The following PPIP5K2 variants were observed in gnomAD, a reference collection of about 807,000 sequenced individuals.
PPIP5K2 encodes inositol hexakisphosphate and diphosphoinositol-pentakisphosphate kinase 2.
A neutral mutation model predicts 154.6 loss-of-function variants in PPIP5K2; 105 were observed. The observed-to-expected ratio is 0.68, with a 90% CI of 0.58 to 0.80. PPIP5K2 has a LOEUF of 0.80. Ranked by LOEUF, PPIP5K2 falls within the 30% of genes least tolerant of loss-of-function variation. PPIP5K2 has a pLI of 0.00. For synonymous variants in PPIP5K2, 480 were observed against 490.3 expected (o/e 0.98, Z 0.28); for missense variants, 992 against 1,504.6 (o/e 0.66, Z 5.64).
chr5:103,134,698 T>A (rs1423028155), intron 3 of PPIP5K2, among the ~76,000 whole-genome samples: 2 of 152,198 alleles, frequency 1.3e-5, no homozygotes, highest in African/African-American at 4.8e-5. Context: ...TAATGTCATA[T>A]TCCACATACC....
chr5:103,178,082 T>A, intron 23 of PPIP5K2, 102 bp downstream of exon 23: 1 of 789,000 alleles, frequency 1.3e-6, no homozygotes, highest in Non-Finnish European at 2.1e-6. Context: ...ATTCTTATTT[T>A]AACTTCTAAG....
At chr5:103,149,343 T>C in intron 8 of PPIP5K2, 30 bp downstream of exon 8, 1 of 1,551,586 alleles carries the variant, frequency 6.4e-7, no homozygotes, top group Non-Finnish European at 8.7e-7. Flanking sequence ...TATAGATCCT[T>C]ATAAAGGTAA....
intron 1 of PPIP5K2, among the ~76,000 whole-genome samples, chr5:103,127,242 A>G (rs1789847599): frequency 6.6e-6 from 1 of 152,242 alleles, no homozygotes; most frequent in African/African-American, 2.4e-5. Context: ...GTATACATAT[A>G]AGTACATACC....
chr5:103,135,398 G>A (rs1240671192), intron 3 of PPIP5K2, among the ~76,000 whole-genome samples: 2 of 152,146 alleles, frequency 1.3e-5, no homozygotes, highest in Non-Finnish European at 2.9e-5. Context: ...CTGATGATGT[G>A]TATTGATGGA....
At chr5:103,182,600 G>A (rs1799716331) in intron 24 of PPIP5K2, among the ~76,000 whole-genome samples, 1 of 152,154 alleles carries the variant, frequency 6.6e-6, no homozygotes, top group African/African-American at 2.4e-5. Context: ...CATGTAAAAT[G>A]AGAATGTTTG....
chr5:103,153,528 G>A (rs1306220966), intron 10 of PPIP5K2, among the ~76,000 whole-genome samples: 1 of 151,798 alleles, frequency 6.6e-6, no homozygotes, highest in Admixed American at 6.6e-5. Flanking sequence ...CTAATGCTAT[G>A]GATCAGATAT....
chr5:103,153,357 C>T (rs1794932401), intron 10 of PPIP5K2, among the ~76,000 whole-genome samples: 1 of 151,758 alleles, frequency 6.6e-6, no homozygotes, highest in African/African-American at 2.4e-5. Context: ...CTAGATTATA[C>T]CTCTGAATTC....
chr5:103,136,753 T>A lies in PPIP5K2; in HGVS notation c.332T>A (p.Val111Asp). 1 of 1,613,316 alleles carries A rather than the reference T, an allele frequency of 6.2e-7. No individual in the cohort carries two copies. The highest frequency in any genetic ancestry group is 8.5e-7 in the Non-Finnish European group (1 of 1,179,354). Residue 111 changes from valine (V) to aspartate (D), a missense_variant, in exon 4 of 31, where the codon GTT becomes GAT. Around this residue, in one of 9 missense-constraint regions of PPIP5K2, gnomAD observed 153 missense variants for 200.4 expected, o/e 0.76. Transcript: ENST00000358359. ...HSKGFPLDKAVAYAKLRNPFV... is the reference protein window; with the variant it reads ...HSKGFPLDKADAYAKLRNPFV... The stretch of plus-strand genomic sequence containing the variant: ...TTAGGATTTCCACTGGACAAAGCGG[T>A]TGCCTATGCAAAACTCAGGAATCCA...
At chr5:103,181,840 G>C (rs1196347800) in intron 24 of PPIP5K2, among the ~76,000 whole-genome samples, 3 of 152,038 alleles carry the variant, frequency 2.0e-5, no homozygotes, top group Admixed American at 2.0e-4. Context: ...ATGTGCTCCA[G>C]TTTGACAATT....
intron 5 of PPIP5K2, among the ~76,000 whole-genome samples, chr5:103,140,149 TAA>T (rs5870043): frequency 0.25 from 36,763 of 145,582 alleles, 5,004 homozygotes; most frequent in East Asian, 0.43. Flanking sequence ...GGGAAAATGT[TAA>T]AAAAAAAAAA....
chr5:103,179,712 G>A (rs2149737189), intron 23 of PPIP5K2, among the ~76,000 whole-genome samples: 1 of 152,008 alleles, frequency 6.6e-6, no homozygotes, highest in South Asian at 2.1e-4. Flanking sequence ...TATTATTATT[G>A]TTTATTTATT....
chr5:103,196,911 G>T (rs761617040), intron 30 of PPIP5K2, among the ~76,000 whole-genome samples: 12 of 152,032 alleles, frequency 7.9e-5, no homozygotes, highest in Non-Finnish European at 1.6e-4. Flanking sequence ...GAAAAAGAAG[G>T]ATCATCAACC....
intron 1 of PPIP5K2, among the ~76,000 whole-genome samples, chr5:103,126,725 A>C (rs1400259474): frequency 6.7e-6 from 1 of 149,404 alleles, no homozygotes; most frequent in Admixed American, 6.7e-5. Context: ...AGGCTAAGCT[A>C]GTCTATCTAG....
intron 21 of PPIP5K2, chr5:103,176,848 A>G (rs1490747843): frequency 4.1e-5 from 56 of 1,351,638 alleles, no homozygotes; most frequent in East Asian, 5.2e-5. Flanking sequence ...CTGATGCTCT[A>G]TGATTACATG....
intron 1 of PPIP5K2, among the ~76,000 whole-genome samples, chr5:103,127,879 G>T (rs1554201276): frequency 6.6e-6 from 1 of 151,392 alleles, no homozygotes; most frequent in East Asian, 1.9e-4. Flanking sequence ...ATAGGAAACA[G>T]AACTGAGATC....
At chr5:103,158,771 A>C (rs1795793424) in intron 16 of PPIP5K2, among the ~76,000 whole-genome samples, 198 bp downstream of exon 16, 1 of 151,998 alleles carries the variant, frequency 6.6e-6, no homozygotes, top group Non-Finnish European at 1.5e-5. Context: ...AAAATTAAAA[A>C]AATAAAAATT....
chr5:103,154,065 A>C, intron 11 of PPIP5K2, 131 bp downstream of exon 11: 1 of 581,192 alleles, frequency 1.7e-6, no homozygotes. Flanking sequence ...TTATATTTAA[A>C]CCAGTGGGTG....
intron 21 of PPIP5K2, among the ~76,000 whole-genome samples, chr5:103,174,935 A>G (rs1474840674): frequency 6.6e-6 from 1 of 152,074 alleles, no homozygotes; most frequent in Non-Finnish European, 1.5e-5. Context: ...CTCAATTCAC[A>G]TCTCCCTCAG....
chr5:103,184,027 G>A (rs896309898), intron 25 of PPIP5K2, among the ~76,000 whole-genome samples: 2 of 152,100 alleles, frequency 1.3e-5, no homozygotes, highest in African/African-American at 2.4e-5. Flanking sequence ...TTGCATATGT[G>A]CCCATCAACA....
Sources: gnomAD v4.1 joint callset for allele counts (sites outside exome capture counted in the v4.1 genomes callset) on GRCh38, gnomAD v4.1.1 for gene constraint, gnomAD v4.1.1 regional missense constraint, MANE v1.5 for transcripts, NCBI Gene and HGNC (gene_info 2026-07-23, HGNC 2026-07-21) for gene names.